The following GRIA4 variants were observed in gnomAD, a reference collection of about 807,000 sequenced individuals.
GRIA4 encodes the protein glutamate receptor 4.
In GRIA4, 34 loss-of-function variants were observed where a neutral mutation model predicts 104.0. The ratio of observed to expected loss-of-function variants is 0.33; its 90% confidence interval spans 0.25 to 0.44. The LOEUF (loss-of-function observed/expected upper bound fraction) is 0.44, where lower values mean the gene tolerates loss of function less well. Ranked by LOEUF, GRIA4 falls within the 20% of genes least tolerant of loss-of-function variation. GRIA4 has a pLI of 1.00. For synonymous variants in GRIA4, 386 were observed against 381.9 expected, an observed-to-expected ratio of 1.01 and a Z score of -0.13; for missense variants, 750 against 1,096.5, an observed-to-expected ratio of 0.68 and a Z score of 4.46.
chr11:105,677,929 ATTTG>A (rs964344686), intron 3 of GRIA4, among the ~76,000 whole-genome samples: 2 of 152,068 alleles, frequency 1.3e-5, no homozygotes, highest in African/African-American at 2.4e-5. Flanking sequence ...TGTGAAGCAT[ATTTG>A]TTTGTCTGTG....
In GRIA4 at chr11:105,642,537, G is replaced by GAAAAAAA. The variant is rs34987277; in HGVS notation, c.247+30123_247+30129dup. ...TATAATCAACATTCTCAATTTTAATGAAAAAAAAAAAAAAAAAAAAAAAAA... is the reference window on the plus strand; with the variant it reads ...TATAATCAACATTCTCAATTTTAATGAAAAAAAAAAAAAAAAAAAAAAAAAAAAAAAA... On this transcript the variant is annotated intron_variant, in intron 3 of 16. Transcript: ENST00000282499. Among the ~76,000 whole-genome samples, 15 of 72,448 alleles carry GAAAAAAA rather than the reference G, an allele frequency of 2.1e-4. 3 individuals carry two copies. Among genetic ancestry groups the GAAAAAAA allele is most frequent in the African/African-American group, 6.3e-4 (10 of 15,806 alleles). 47.5% of individuals were successfully genotyped at this position (72,448 alleles called of 152,430 possible). A position where few individuals can be genotyped will look rare whatever the true frequency, so the allele number is the denominator to read the frequency against.
At chr11:105,829,730 T>C (rs1376556510) in intron 4 of GRIA4, among the ~76,000 whole-genome samples, 4 of 151,834 alleles carry the variant, frequency 2.6e-5, no homozygotes, top group Non-Finnish European at 5.9e-5. Context: ...ATGTAATCCA[T>C]TGGGACTGGT....
chr11:105,705,747 C>T (rs1439328590), intron 3 of GRIA4, among the ~76,000 whole-genome samples: 2 of 152,144 alleles, frequency 1.3e-5, no homozygotes, highest in African/African-American at 4.8e-5. Flanking sequence ...AAAAGTATGA[C>T]AACACACCCT....
intron 3 of GRIA4, among the ~76,000 whole-genome samples, chr11:105,733,016 T>TTTG (rs1199052497): frequency 6.6e-6 from 1 of 152,198 alleles, no homozygotes; most frequent in East Asian, 1.9e-4. Flanking sequence ...AACAGCCTCT[T>TTTG]TATGTTGTAT....
At position 105,628,737 on chromosome 11, in the gene GRIA4, T is replaced by C. The variant is rs187528719; in HGVS notation, c.247+16303T>C. Among the ~76,000 whole-genome samples, 16 of 152,304 alleles carry C rather than the reference T, an allele frequency of 1.1e-4. No homozygotes were observed. In the East Asian group the frequency reaches 3.1e-3, roughly 29 times the overall value. ...TAATGCACATGCCTTTAGCATTTTA[T>C]TCTTTATTTCACAAAATTTGCTAAT... On this transcript the variant is annotated intron_variant, in intron 3 of 16. Coordinates refer to ENST00000282499, the MANE Select transcript of GRIA4 (RefSeq NM_000829.4).
chr11:105,895,252 C>CGTTGTGTGTGT (rs1555040928), intron 6 of GRIA4, among the ~76,000 whole-genome samples: 48 of 148,864 alleles, frequency 3.2e-4, no homozygotes, highest in Admixed American at 2.1e-3. Flanking sequence ...CGAGCTCATG[C>CGTTGTGTGTGT]GTGTGTGTGT....
intron 3 of GRIA4, among the ~76,000 whole-genome samples, chr11:105,703,803 T>G (rs1374583077): frequency 6.6e-6 from 1 of 152,178 alleles, no homozygotes; most frequent in Non-Finnish European, 1.5e-5. Context: ...CCTAATGGGA[T>G]AAATAATTAA....
intron 4 of GRIA4, among the ~76,000 whole-genome samples, chr11:105,763,095 A>T (rs186500251): frequency 2.0e-4 from 30 of 152,308 alleles, no homozygotes; most frequent in African/African-American, 7.2e-4. Context: ...ATGGGTAAAT[A>T]TTAGGTTCAA....
intron 2 of GRIA4, 52 bp from the exon 3 acceptor site, chr11:105,612,224 T>A (rs1950500032): frequency 6.4e-7 from 1 of 1,563,020 alleles, no homozygotes; most frequent in East Asian, 2.2e-5. Context: ...GGGGTGGGTA[T>A]AATGTTGACA....
chr11:105,687,159 T>G (rs1297007488), intron 3 of GRIA4, among the ~76,000 whole-genome samples: 2 of 152,180 alleles, frequency 1.3e-5, no homozygotes, highest in Admixed American at 6.5e-5. Context: ...TCTAGAATGG[T>G]GTTTCCTAGG....
At chr11:105,816,613 G>T (rs1397177894) in intron 4 of GRIA4, among the ~76,000 whole-genome samples, 8 of 152,118 alleles carry the variant, frequency 5.3e-5, no homozygotes, top group Non-Finnish European at 1.2e-4. Context: ...CCCAGTCTCA[G>T]ATATTTCTTA....
At chr11:105,750,157 A>G (rs917908309) in intron 3 of GRIA4, among the ~76,000 whole-genome samples, 2 of 152,134 alleles carry the variant, frequency 1.3e-5, no homozygotes, top group Non-Finnish European at 2.9e-5. Flanking sequence ...TCAAAGCTAT[A>G]TTATAATACT....
intron 4 of GRIA4, among the ~76,000 whole-genome samples, chr11:105,778,454 C>T (rs59214931): frequency 0.03 from 4,573 of 152,294 alleles, 140 homozygotes; most frequent in African/African-American, 0.077. Flanking sequence ...CGCCTGTAAT[C>T]CCAACACTTT....
At chr11:105,937,290 T>G (rs1461287032) in intron 14 of GRIA4, among the ~76,000 whole-genome samples, 1 of 152,180 alleles carries the variant, frequency 6.6e-6, no homozygotes, top group Non-Finnish European at 1.5e-5. Flanking sequence ...ATATACAAGT[T>G]GATTATAATA....
At chr11:105,642,760 A>C (rs1761432882) in intron 3 of GRIA4, among the ~76,000 whole-genome samples, 1 of 152,130 alleles carries the variant, frequency 6.6e-6, no homozygotes, top group Non-Finnish European at 1.5e-5. Context: ...GTCTATGTTT[A>C]ATTCTATTGC....
At chr11:105,840,821 T>C (rs1244661402) in intron 4 of GRIA4, among the ~76,000 whole-genome samples, 3 of 152,184 alleles carry the variant, frequency 2.0e-5, no homozygotes, top group Non-Finnish European at 4.4e-5. Flanking sequence ...GCTTCTCCAT[T>C]TTAGTGTTTA....
At chr11:105,657,502 C>T (rs537307717) in intron 3 of GRIA4, among the ~76,000 whole-genome samples, 3 of 152,072 alleles carry the variant, frequency 2.0e-5, no homozygotes, top group African/African-American at 2.4e-5. Flanking sequence ...GCACATTGGT[C>T]TTCTATTGAT....
intron 4 of GRIA4, among the ~76,000 whole-genome samples, chr11:105,759,307 T>C (rs2135711992): frequency 6.6e-6 from 1 of 152,326 alleles, no homozygotes; most frequent in Non-Finnish European, 1.5e-5. Context: ...TCATGCACAT[T>C]TCTGATTACT....
At chr11:105,704,561 G>T (rs996487748) in intron 3 of GRIA4, among the ~76,000 whole-genome samples, 22 of 151,950 alleles carry the variant, frequency 1.4e-4, no homozygotes, top group African/African-American at 5.3e-4. Context: ...GCTTTTGAAA[G>T]GTTGCAAAAA....
Sources: gnomAD v4.1 joint callset for allele counts (sites outside exome capture counted in the v4.1 genomes callset) on GRCh38, gnomAD v4.1.1 for gene constraint, MANE v1.5 for transcripts, NCBI Gene and HGNC (gene_info 2026-07-23, HGNC 2026-07-21) for gene names.